The following GABRB2 variants were observed in gnomAD, a reference collection of about 807,000 sequenced individuals.
The protein encoded by GABRB2 is gamma-aminobutyric acid receptor subunit beta-2.
A neutral mutation model predicts 54.7 loss-of-function variants in GABRB2; 16 were observed. The ratio of observed to expected loss-of-function variants is 0.29; its 90% CI spans 0.20 to 0.44. The LOEUF (loss-of-function observed/expected upper bound fraction) is 0.44, where lower values mean the gene tolerates loss of function less well. Among genes scored for constraint, GABRB2 ranks in the 20% least tolerant of loss-of-function variants. The probability of loss-of-function intolerance (pLI) is 1.00; values close to 1 mark genes in which losing one functional copy is unlikely to be tolerated. For missense variants in GABRB2, 355 were observed against 644.0 expected, an observed-to-expected ratio of 0.55 and a Z score of 4.86; for synonymous variants, 244 against 233.8, an observed-to-expected ratio of 1.04 and a Z score of -0.40.
chr5:161,321,638 A>G (rs1201881667), intron 9 of GABRB2, among the ~76,000 whole-genome samples: 2 of 152,166 alleles, frequency 1.3e-5, no homozygotes, highest in Non-Finnish European at 2.9e-5. Context: ...TTATGTATCA[A>G]TAGTAATAAC....
chr5:161,383,014 C>G (rs1191094763), intron 5 of GABRB2, among the ~76,000 whole-genome samples: 1 of 152,180 alleles, frequency 6.6e-6, no homozygotes, highest in Non-Finnish European at 1.5e-5. Flanking sequence ...TAATTTTTCT[C>G]CTCTACCTTT....
At chr5:161,323,171 G>A (rs1043304091) in intron 9 of GABRB2, among the ~76,000 whole-genome samples, 2 of 151,628 alleles carry the variant, frequency 1.3e-5, no homozygotes, top group Admixed American at 1.3e-4. Context: ...ACAGGCGCCC[G>A]CCACCACACC....
intron 4 of GABRB2, among the ~76,000 whole-genome samples, chr5:161,420,611 T>C (rs1312468481): frequency 6.6e-6 from 1 of 152,222 alleles, no homozygotes; most frequent in Non-Finnish European, 1.5e-5. Flanking sequence ...GTAAGACCTG[T>C]GGCCAGGTTC....
intron 4 of GABRB2, among the ~76,000 whole-genome samples, chr5:161,418,579 T>A (rs571210672): frequency 6.6e-6 from 1 of 152,262 alleles, no homozygotes; most frequent in Admixed American, 6.5e-5. Context: ...TGACCCTTGA[T>A]CTAGGCAAAT....
intron 5 of GABRB2, among the ~76,000 whole-genome samples, chr5:161,402,253 A>T (rs945403493): frequency 2.0e-5 from 3 of 152,108 alleles, no homozygotes; most frequent in African/African-American, 7.2e-5. Context: ...TGTAGATACT[A>T]GGGAGGAACT....
rs77188788 is a variant in GABRB2, at chr5:161,460,008, G to A, written c.238-164C>T. Among the ~76,000 whole-genome samples, 11 of 152,258 alleles carry A rather than the reference G, an allele frequency of 7.2e-5. No homozygotes were observed. The East Asian group carries it at 1.4e-3, about 19-fold the overall frequency. ...CACCCAGGCTGGAGTGCACTGGCAC[G>A]ATCTCGGCTCAATGCAGCCTCCCTC... On this transcript the variant is annotated intron_variant, in intron 3 of 9. Transcript: ENST00000393959.
At chr5:161,393,186 C>T (rs915126305) in intron 5 of GABRB2, among the ~76,000 whole-genome samples, 1 of 149,728 alleles carries the variant, frequency 6.7e-6, no homozygotes, top group Non-Finnish European at 1.5e-5. Context: ...ATAAGTATAA[C>T]AATCAAGTTG....
Position 161,290,630 on chromosome 5 carries a change from G to A in GABRB2, c.*3451C>T, listed in dbSNP as rs1287122509. On this transcript the variant is annotated 3_prime_UTR_variant, in exon 10 of 10. Transcript: ENST00000393959. ...TATGAATGCATATATATGTATGTATGTTTATATGAATCTATATATACACAT... is the reference window on the plus strand; with the variant it reads ...TATGAATGCATATATATGTATGTATATTTATATGAATCTATATATACACAT... 2.6e-5 allele frequency: 4 copies of A among 152,464 alleles called. No individual in the cohort carries two copies. In the East Asian group the frequency reaches 7.7e-4, roughly 29 times the overall value. 9.4% of individuals were successfully genotyped at this position (152,464 alleles called of 1,614,324 possible).
At chr5:161,463,551 T>TATA (rs1554102436) in intron 3 of GABRB2, among the ~76,000 whole-genome samples, 26 of 30,242 alleles carry the variant, frequency 8.6e-4, no homozygotes, top group South Asian at 3.6e-3. Context: ...CCAAATATTT[T>TATA]TATTTATATA....
chr5:161,341,973 A>ATATATATT (rs1754179856), intron 5 of GABRB2, among the ~76,000 whole-genome samples: 2 of 129,026 alleles, frequency 1.6e-5, no homozygotes, highest in East Asian at 2.3e-4. Flanking sequence ...ATATATACAT[A>ATATATATT]CTTTATTATT....
intron 3 of GABRB2, among the ~76,000 whole-genome samples, chr5:161,529,328 G>T (rs1281834226): frequency 1.3e-5 from 2 of 151,922 alleles, no homozygotes; most frequent in African/African-American, 4.8e-5. Flanking sequence ...TAGGAAGCTG[G>T]CATGCTGACT....
intron 3 of GABRB2, among the ~76,000 whole-genome samples, chr5:161,523,681 T>C (rs528855310): frequency 2.4e-4 from 37 of 151,748 alleles, no homozygotes; most frequent in African/African-American, 8.9e-4. Flanking sequence ...GAAATGAATG[T>C]TGTCTGCATA....
intron 3 of GABRB2, among the ~76,000 whole-genome samples, chr5:161,529,624 C>T (rs1282437809): frequency 6.6e-6 from 1 of 151,984 alleles, no homozygotes; most frequent in Non-Finnish European, 1.5e-5. Context: ...TTTAAAGTTA[C>T]ATTTCATTTC....
chr5:161,496,045 C>G (rs1330532851), intron 3 of GABRB2, among the ~76,000 whole-genome samples: 14 of 152,102 alleles, frequency 9.2e-5, no homozygotes, highest in Admixed American at 9.2e-4. Flanking sequence ...GCAATGGTGA[C>G]AAGAACATAC....
At chr5:161,477,445 C>T (rs1342783808) in intron 3 of GABRB2, among the ~76,000 whole-genome samples, 3 of 151,782 alleles carry the variant, frequency 2.0e-5, no homozygotes, top group African/African-American at 7.3e-5. Context: ...TCCAGCAAGC[C>T]AAGTTCTGGC....
intron 5 of GABRB2, among the ~76,000 whole-genome samples, chr5:161,363,337 A>T (rs752720575): frequency 6.6e-6 from 1 of 152,014 alleles, no homozygotes; most frequent in Non-Finnish European, 1.5e-5. Flanking sequence ...ATGAGGACAC[A>T]TGGAGATAGG....
chr5:161,463,551 T>TTTTATATATA (rs1554102435), intron 3 of GABRB2, among the ~76,000 whole-genome samples: 1 of 30,256 alleles, frequency 3.3e-5, no homozygotes, highest in African/African-American at 1.1e-4. Flanking sequence ...CCAAATATTT[T>TTTTATATATA]TATTTATATA....
intron 3 of GABRB2, among the ~76,000 whole-genome samples, chr5:161,525,657 T>C (rs1418281581): frequency 6.6e-6 from 1 of 151,264 alleles, no homozygotes; most frequent in African/African-American, 2.4e-5. Flanking sequence ...CATAATAGCA[T>C]GGGATACCAG....
In GABRB2 at chr5:161,484,985, C is replaced by T. The variant is rs13188205; in HGVS notation, c.238-25141G>A. 1.7e-3 allele frequency among the ~76,000 whole-genome samples: 264 copies of T among 152,080 alleles called. 1 individual carries two copies. Among genetic ancestry groups the T allele is most frequent in the African/African-American group, 6.1e-3 (252 of 41,536 alleles). On this transcript the variant is annotated intron_variant, in intron 3 of 9. Coordinates refer to ENST00000393959, the MANE Select transcript of GABRB2 (RefSeq NM_001371727.1). ...TTTATGCTTCTGAATATTGAACGTCCTTAATTTGCTTGATCTGCTAGGATC... is the reference window on the plus strand; with the variant it reads ...TTTATGCTTCTGAATATTGAACGTCTTTAATTTGCTTGATCTGCTAGGATC...
Sources: allele counts gnomAD v4.1 joint callset (sites outside exome capture counted in the v4.1 genomes callset), GRCh38; gene constraint gnomAD v4.1.1; transcripts MANE v1.5; gene names NCBI Gene and HGNC (gene_info 2026-07-23, HGNC 2026-07-21).